The following E2F3 variants were observed in gnomAD, a reference collection of about 807,000 sequenced individuals.
E2F3 encodes the protein transcription factor E2F3.
Under a neutral mutation model 44.4 loss-of-function variants are expected in E2F3, and 11 were observed. The observed-to-expected ratio is 0.25, with a 90% CI of 0.16 to 0.41. The LOEUF is 0.41. Among genes scored for constraint, E2F3 ranks in the 10% least tolerant of loss-of-function variants. The pLI, the probability that E2F3 is intolerant of heterozygous loss-of-function variation, is 1.00. For missense variants in E2F3, 487 were observed against 583.6 expected, an observed-to-expected ratio of 0.83 and a Z score of 1.70; for synonymous variants, 249 against 253.0, an observed-to-expected ratio of 0.98 and a Z score of 0.15.
intron 1 of E2F3, among the ~76,000 whole-genome samples, chr6:20,445,717 T>C (rs1387938340): frequency 6.6e-6 from 1 of 152,196 alleles, no homozygotes; most frequent in Non-Finnish European, 1.5e-5. Flanking sequence ...TGAGATATCA[T>C]GAAAGCAATT....
intron 1 of E2F3, among the ~76,000 whole-genome samples, chr6:20,464,180 C>T (rs1400986251): frequency 6.6e-6 from 1 of 152,202 alleles, no homozygotes; most frequent in Non-Finnish European, 1.5e-5. Context: ...AGCTGCATTA[C>T]ATAGGCATGG....
intron 1 of E2F3, among the ~76,000 whole-genome samples, chr6:20,415,374 A>G (rs1759811150): frequency 1.3e-5 from 2 of 152,248 alleles, no homozygotes; most frequent in Non-Finnish European, 2.9e-5. Context: ...AGCGCTCTTA[A>G]CATTTTGGTC....
intron 1 of E2F3, chr6:20,440,070 A>G (rs568860363): frequency 6.6e-6 from 1 of 152,282 alleles, no homozygotes; most frequent in East Asian, 1.9e-4. Flanking sequence ...ATCAAACATT[A>G]CGTGCTATCT....
In E2F3 at chr6:20,458,960, C is replaced by A. The variant is rs200076268; in HGVS notation, c.394-20886C>A. 4.0e-5 allele frequency among the ~76,000 whole-genome samples: 6 copies of A among 149,122 alleles called. No homozygotes were observed. The East Asian group carries it at 1.2e-3, about 30-fold the overall frequency. ...CAGATTTTCCACAGTTGTTTTTTTT[C>A]TTTAGTGATATAGCCTGGAAGGGCT... On this transcript the variant is annotated intron_variant, in intron 1 of 6. Transcript: ENST00000346618.
rs142655199 is a variant in E2F3, at chr6:20,409,806, G to C, written c.393+7181G>C. On this transcript the variant is annotated intron_variant, in intron 1 of 6. Coordinates refer to ENST00000346618, the MANE Select transcript of E2F3 (RefSeq NM_001949.5). ...GCCTGAAAGTGAAACATAATCTAAC[G>C]TGGCTGTAGTGCACTGACTCGTTAG... 1.1e-3 allele frequency among the ~76,000 whole-genome samples: 161 copies of C among 152,256 alleles called. 1 individual carries two copies. The highest frequency in any genetic ancestry group is 3.2e-3 in the African/African-American group (134 of 41,536).
chr6:20,489,133 T>C (rs1406354685), intron 6 of E2F3, among the ~76,000 whole-genome samples: 2 of 152,222 alleles, frequency 1.3e-5, no homozygotes, highest in Non-Finnish European at 2.9e-5. Flanking sequence ...TGTCTCCCTA[T>C]ATAGCAGCAA....
At chr6:20,457,607 C>G (rs1203538057) in intron 1 of E2F3, among the ~76,000 whole-genome samples, 1 of 152,100 alleles carries the variant, frequency 6.6e-6, no homozygotes. Context: ...AAAATAAACA[C>G]TCATAAAAAG....
intron 1 of E2F3, among the ~76,000 whole-genome samples, chr6:20,430,075 A>G (rs761351899): frequency 6.6e-5 from 10 of 152,062 alleles, no homozygotes; most frequent in Non-Finnish European, 1.0e-4. Flanking sequence ...TATATTTTAA[A>G]TATAAATTCT....
chr6:20,433,097 G>A (rs1760460953), intron 1 of E2F3, among the ~76,000 whole-genome samples: 1 of 152,200 alleles, frequency 6.6e-6, no homozygotes, highest in South Asian at 2.1e-4. Context: ...CGCTCACTAG[G>A]TGCTCTGTGA....
intron 1 of E2F3, among the ~76,000 whole-genome samples, chr6:20,475,219 C>T (rs1423994685): frequency 6.6e-6 from 1 of 152,214 alleles, no homozygotes; most frequent in African/African-American, 2.4e-5. Context: ...CAAATTTGGT[C>T]AATTTATGGT....
rs186905012 is a variant in E2F3 at position 20,449,838 on chromosome 6, T to A, written c.394-30008T>A. On this transcript the variant is annotated intron_variant, in intron 1 of 6. Transcript: ENST00000346618. ...TTTATGTGTCCATATGTTCTTATAA[T>A]TTAGCTCCCACTTATAAGTGAGAAC... Among the ~76,000 whole-genome samples, 46 of 152,320 alleles carry A rather than the reference T, an allele frequency of 3.0e-4. 1 individual carries two copies. In the East Asian group the frequency reaches 7.7e-3, roughly 26 times the overall value.
intron 1 of E2F3, among the ~76,000 whole-genome samples, chr6:20,455,102 A>G (rs1761266915): frequency 6.6e-6 from 1 of 152,250 alleles, no homozygotes; most frequent in Admixed American, 6.5e-5. Context: ...AAGAGGGACC[A>G]AATATCAAAT....
At chr6:20,466,744 G>A (rs576013889) in intron 1 of E2F3, among the ~76,000 whole-genome samples, 5 of 149,790 alleles carry the variant, frequency 3.3e-5, no homozygotes, top group South Asian at 4.2e-4. Flanking sequence ...GTGCAGTGGC[G>A]CAATCTCTGC....
At chr6:20,479,249 C>T (rs764927136) in intron 1 of E2F3, among the ~76,000 whole-genome samples, 2 of 152,122 alleles carry the variant, frequency 1.3e-5, no homozygotes, top group Non-Finnish European at 1.5e-5. Flanking sequence ...ATTGAATATA[C>T]AGTATATAGA....
In E2F3 at chr6:20,490,657, C is replaced by A. The variant is rs1489147722; in HGVS notation, c.*227C>A. The A allele has an allele frequency of 2.7e-6, 1 of 373,000 alleles. No homozygotes were observed. Among genetic ancestry groups the A allele is most frequent in the Non-Finnish European group, 4.6e-6 (1 of 216,042 alleles). The allele number at this position is 373,000 out of a possible 1,614,324, so 23.1% of individuals were successfully genotyped here. A position where few individuals can be genotyped will look rare whatever the true frequency, so the allele number is the denominator to read the frequency against. ...GCTCCCTTGGGAAAGCCCTGCTTTGCTCCAGGCTCCAAGATCTCCTGGCTA... is the reference window on the plus strand; with the variant it reads ...GCTCCCTTGGGAAAGCCCTGCTTTGATCCAGGCTCCAAGATCTCCTGGCTA... On this transcript the variant is annotated 3_prime_UTR_variant, in exon 7 of 7. Coordinates refer to ENST00000346618, the MANE Select transcript of E2F3 (RefSeq NM_001949.5). This position sits in a 1 kb window ranked among gnomAD's most constrained non-coding sequence, Gnocchi z 4.3.
intron 1 of E2F3, among the ~76,000 whole-genome samples, chr6:20,403,479 C>T (rs929963644): frequency 3.6e-4 from 55 of 152,166 alleles, no homozygotes; most frequent in Non-Finnish European, 6.2e-4. Context: ...GCTGGGTTCC[C>T]GTCCCGCCGC....
chr6:20,439,173 G>A (rs1294596820), intron 1 of E2F3, among the ~76,000 whole-genome samples: 1 of 152,206 alleles, frequency 6.6e-6, no homozygotes, highest in East Asian at 1.9e-4. Flanking sequence ...AACTCCAGCT[G>A]TATAAATAAT....
At chr6:20,429,417 T>G (rs2127592640) in intron 1 of E2F3, among the ~76,000 whole-genome samples, 1 of 152,306 alleles carries the variant, frequency 6.6e-6, no homozygotes, top group East Asian at 1.9e-4. Flanking sequence ...AGTCATCCCC[T>G]TTGTCCGGTG....
chr6:20,479,415 GT>G (rs1296987228), intron 1 of E2F3, among the ~76,000 whole-genome samples: 1 of 152,208 alleles, frequency 6.6e-6, no homozygotes, highest in East Asian at 1.9e-4. Context: ...AACACAGAGT[GT>G]TTGGGGAGCA....
Sources: gnomAD v4.1 joint callset for allele counts (sites outside exome capture counted in the v4.1 genomes callset) on GRCh38, gnomAD v4.1.1 for gene constraint, Gnocchi (gnomAD v3.1) non-coding constraint, MANE v1.5 for transcripts, NCBI Gene and HGNC (gene_info 2026-07-23, HGNC 2026-07-21) for gene names.